Variants in PFKFB3 observed in about 807,000 individuals in gnomAD.
PFKFB3 encodes the protein 6-phosphofructo-2-kinase/fructose-2,6-bisphosphatase 3.
Under a neutral mutation model 68.0 loss-of-function variants are expected in PFKFB3, and 33 were observed. The observed-to-expected ratio is 0.49, with a 90% confidence interval of 0.37 to 0.65. PFKFB3 has a LOEUF of 0.65. Among genes scored for constraint, PFKFB3 ranks in the 30% least tolerant of loss-of-function variants. The pLI is 0.00. For synonymous variants in PFKFB3, 315 were observed against 288.2 expected, an observed-to-expected ratio of 1.09 and a Z score of -0.94; for missense variants, 586 against 712.2, an observed-to-expected ratio of 0.82 and a Z score of 2.02.
At chr10:6,314,979 G>A in the PFKFB3 span, among the ~76,000 whole-genome samples, 1,085 of 152,284 alleles carry the variant, frequency 7.1e-3, 21 homozygotes, top group African/African-American at 0.025. Flanking sequence ...AGGAAGCATG[G>A]CCAGAAGCCC....
At chr10:6,267,301 G>A in the PFKFB3 span, among the ~76,000 whole-genome samples, 9 of 152,228 alleles carry the variant, frequency 5.9e-5, no homozygotes, top group African/African-American at 1.9e-4. Context: ...CTCATGTTCT[G>A]CCATTGCTGG....
At chr10:6,155,722 T>G (rs1036254583) in intron 1 of PFKFB3, among the ~76,000 whole-genome samples, 4 of 152,094 alleles carry the variant, frequency 2.6e-5, no homozygotes, top group African/African-American at 7.2e-5. Flanking sequence ...TTGTCCATAT[T>G]TCCCCGGTTT....
intron 14 of PFKFB3, among the ~76,000 whole-genome samples, chr10:6,230,208 G>A (rs752818829): frequency 6.6e-6 from 1 of 152,180 alleles, no homozygotes; most frequent in Non-Finnish European, 1.5e-5. Context: ...CCTGACTCAG[G>A]TTGGAATTTC....
At chr10:6,157,717 A>G (rs1181275655) in intron 1 of PFKFB3, among the ~76,000 whole-genome samples, 1 of 152,232 alleles carries the variant, frequency 6.6e-6, no homozygotes, top group Non-Finnish European at 1.5e-5. Context: ...ATCCTGGATT[A>G]TAGAAAGGCT....
chr10:6,290,893 G>C, the PFKFB3 span, among the ~76,000 whole-genome samples: 28 of 152,028 alleles, frequency 1.8e-4, no homozygotes, highest in Non-Finnish European at 3.7e-4. Context: ...TTGTGGTTTG[G>C]TATCTGTCAT....
rs535061224 is a variant in PFKFB3 at position 6,186,644 on chromosome 10, A to G, written c.17-26979A>G. 5.3e-5 allele frequency among the ~76,000 whole-genome samples: 8 copies of G among 152,268 alleles called. No individual in the cohort carries two copies. In the East Asian group the frequency reaches 1.5e-3, roughly 29 times the overall value. The stretch of plus-strand genomic sequence containing the variant: ...GTCTTGTCTGGCTGCAAAGTGTAGT[A>G]TCTTTTCTCGCTCTTAAACAATTTC... On this transcript the variant is annotated intron_variant, in intron 1 of 14. Transcript: ENST00000379789.
intron 14 of PFKFB3, among the ~76,000 whole-genome samples, chr10:6,253,611 C>G (rs1038167660): frequency 6.6e-6 from 1 of 151,924 alleles, no homozygotes; most frequent in African/African-American, 2.4e-5. Context: ...TTGATTTCAA[C>G]ATTCTCCTGC....
rs937109997 is a variant in PFKFB3, at chr10:6,233,103, G to A, written c.*161G>A. On this transcript the variant is annotated 3_prime_UTR_variant, in exon 15 of 15. Transcript: ENST00000379775. Reference sequence around the variant, plus strand: ...GAGAACCATGCTTGGCACCGTCTGTGTCCCCTCGGCCGCTGGACACCAGAA... The same window carrying A: ...GAGAACCATGCTTGGCACCGTCTGTATCCCCTCGGCCGCTGGACACCAGAA... 1.6e-6 allele frequency: 1 copy of A among 638,666 alleles called. No individual in the cohort carries two copies. The highest frequency in any genetic ancestry group is 2.8e-6 in the Non-Finnish European group (1 of 359,394). 39.6% of individuals were successfully genotyped at this position (638,666 alleles called of 1,614,324 possible). A position where few individuals can be genotyped will look rare whatever the true frequency, so the allele number is the denominator to read the frequency against.
chr10:6,263,458 G>T, the PFKFB3 span, among the ~76,000 whole-genome samples: 2 of 152,326 alleles, frequency 1.3e-5, no homozygotes, highest in African/African-American at 4.8e-5. Context: ...GCCAGTTTAT[G>T]GCCAGATTTT....
At chr10:6,289,558 A>G in the PFKFB3 span, among the ~76,000 whole-genome samples, 4 of 151,510 alleles carry the variant, frequency 2.6e-5, no homozygotes, top group Non-Finnish European at 4.4e-5. Flanking sequence ...TGTTCCATTG[A>G]TCTATATCTC....
intron 1 of PFKFB3, among the ~76,000 whole-genome samples, chr10:6,207,166 G>C (rs1439062907): frequency 3.3e-5 from 5 of 152,218 alleles, no homozygotes; most frequent in Non-Finnish European, 5.9e-5. Flanking sequence ...CTGAGTGAAC[G>C]AGACTCCGTC....
chr10:6,248,407 T>C (rs1846302396), intron 14 of PFKFB3, among the ~76,000 whole-genome samples: 1 of 151,748 alleles, frequency 6.6e-6, no homozygotes, highest in Admixed American at 6.6e-5. Context: ...GGTGGGCAAA[T>C]GGCTTGAGGT....
intron 14 of PFKFB3, among the ~76,000 whole-genome samples, chr10:6,248,609 A>G (rs1399638086): frequency 2.2e-5 from 3 of 136,532 alleles, no homozygotes; most frequent in Non-Finnish European, 4.6e-5. Context: ...AGCCTGGGCA[A>G]CAGAGGAAGA....
intron 1 of PFKFB3, among the ~76,000 whole-genome samples, chr10:6,211,436 T>A (rs1470500076): frequency 6.6e-6 from 1 of 152,180 alleles, no homozygotes. Context: ...TGGGGACACC[T>A]GGTAAGACCA....
the PFKFB3 span, among the ~76,000 whole-genome samples, chr10:6,278,822 C>T: frequency 6.9e-6 from 1 of 144,342 alleles, no homozygotes; most frequent in Non-Finnish European, 1.5e-5. Flanking sequence ...ACATAGGAGC[C>T]ATTTAAGGAG....
the PFKFB3 span, among the ~76,000 whole-genome samples, chr10:6,325,719 C>G: frequency 6.6e-6 from 1 of 152,206 alleles, no homozygotes; most frequent in Non-Finnish European, 1.5e-5. Context: ...GGGTATAAAG[C>G]AATGGGATAT....
the PFKFB3 span, among the ~76,000 whole-genome samples, chr10:6,288,438 G>A: frequency 6.9e-6 from 1 of 145,420 alleles, no homozygotes; most frequent in Non-Finnish European, 1.5e-5. Context: ...CCATCTATGA[G>A]TGAGAACACG....
the PFKFB3 span, among the ~76,000 whole-genome samples, chr10:6,276,838 T>TTTTGTGTG: frequency 6.8e-6 from 1 of 147,200 alleles, no homozygotes; most frequent in Admixed American, 6.8e-5. Flanking sequence ...TTATATGTAT[T>TTTTGTGTG]TGTGTGTGTG....
At chr10:6,316,607 A>T in the PFKFB3 span, among the ~76,000 whole-genome samples, 6 of 152,146 alleles carry the variant, frequency 3.9e-5, no homozygotes, top group African/African-American at 1.4e-4. Flanking sequence ...CCTCCTGAGT[A>T]GCTGGGATTA....
Sources: allele counts gnomAD v4.1 joint callset (sites outside exome capture counted in the v4.1 genomes callset), GRCh38; gene constraint gnomAD v4.1.1; transcripts MANE v1.5; gene names NCBI Gene and HGNC (gene_info 2026-07-23, HGNC 2026-07-21).